Variants in SLC39A11 observed in about 807,000 individuals in gnomAD.
SLC39A11 encodes the protein zinc transporter ZIP11.
In SLC39A11, 33 loss-of-function variants were observed where a neutral mutation model predicts 36.1. The observed-to-expected ratio is 0.91, with a 90% confidence interval of 0.69 to 1.22. The LOEUF is 1.22. Ranked by LOEUF, SLC39A11 falls within the 50% of genes most tolerant of loss-of-function variation. SLC39A11 has a pLI of 0.00. For missense variants in SLC39A11, 432 were observed against 430.3 expected (o/e 1.00, Z -0.03); for synonymous variants, 166 against 170.3 (o/e 0.97, Z 0.20).
chr17:73,012,530 T>G (rs1461920051), intron 4 of SLC39A11, among the ~76,000 whole-genome samples: 2 of 118,170 alleles, frequency 1.7e-5, no homozygotes, highest in Non-Finnish European at 3.1e-5. Flanking sequence ...TATTTCCCAG[T>G]TTTTTTTTTT....
intron 6 of SLC39A11, among the ~76,000 whole-genome samples, chr17:72,816,467 T>G (rs2077589090): frequency 6.6e-6 from 1 of 151,040 alleles, no homozygotes; most frequent in African/African-American, 2.4e-5. Context: ...ATTTAAAAGC[T>G]GTGGCACAAC....
chr17:72,853,135 C>A (rs2079449195), intron 5 of SLC39A11, among the ~76,000 whole-genome samples: 1 of 152,098 alleles, frequency 6.6e-6, no homozygotes, highest in African/African-American at 2.4e-5. Flanking sequence ...CCACCTCGGC[C>A]TCCCAAGTAG....
At chr17:73,021,278 C>T (rs979872997) in intron 4 of SLC39A11, among the ~76,000 whole-genome samples, 4 of 152,118 alleles carry the variant, frequency 2.6e-5, no homozygotes, top group Non-Finnish European at 4.4e-5. Flanking sequence ...TCCCAGTCAC[C>T]TTTGCCAAGA....
chr17:72,932,196 C>A (rs907588522), intron 5 of SLC39A11, among the ~76,000 whole-genome samples: 7 of 151,930 alleles, frequency 4.6e-5, no homozygotes, highest in Admixed American at 2.0e-4. Context: ...CCCAAAACTC[C>A]AACGTCTAGC....
intron 6 of SLC39A11, among the ~76,000 whole-genome samples, chr17:72,757,680 T>C (rs2075409921): frequency 6.6e-6 from 1 of 152,010 alleles, no homozygotes; most frequent in African/African-American, 2.4e-5. Flanking sequence ...CCTACTTTTC[T>C]TCCCCTGGTC....
At chr17:73,055,357 A>G (rs1238813592) in intron 3 of SLC39A11, among the ~76,000 whole-genome samples, 1 of 152,126 alleles carries the variant, frequency 6.6e-6, no homozygotes, top group Non-Finnish European at 1.5e-5. Flanking sequence ...ATGTCTGCAC[A>G]ATTGAGTCTC....
At chr17:73,059,616 T>C (rs939085820) in intron 3 of SLC39A11, among the ~76,000 whole-genome samples, 11 of 147,704 alleles carry the variant, frequency 7.4e-5, no homozygotes, top group Non-Finnish European at 1.3e-4. Context: ...GATCGCGCCA[T>C]TGCACTCCAG....
intron 7 of SLC39A11, among the ~76,000 whole-genome samples, chr17:72,716,084 C>T (rs942243021): frequency 1.3e-5 from 2 of 152,016 alleles, no homozygotes; most frequent in African/African-American, 4.8e-5. Context: ...TCGTTCTCCT[C>T]GCACCCTCCC....
chr17:72,730,065 G>A (rs1008337359), intron 7 of SLC39A11, among the ~76,000 whole-genome samples: 9 of 152,118 alleles, frequency 5.9e-5, no homozygotes, highest in African/African-American at 1.9e-4. Flanking sequence ...GAACCCTCAC[G>A]TGGCTTGAAA....
chr17:72,738,105 C>T lies in SLC39A11; in HGVS notation c.602-1386G>A, dbSNP rs541685006. On this transcript the variant is annotated intron_variant, in intron 6 of 9. Coordinates refer to ENST00000255559, the MANE Select transcript of SLC39A11 (RefSeq NM_139177.4). The stretch of plus-strand genomic sequence containing the variant: ...CTGCAAGCTCCGCCTCCCGGGTTCA[C>T]GCCATTCTCTTGCCTCAGCCTCCCG... 1.2e-3 allele frequency among the ~76,000 whole-genome samples: 187 copies of T among 152,248 alleles called. 1 individual carries two copies. Among genetic ancestry groups the T allele is most frequent in the Admixed American group, 2.1e-3 (32 of 15,288 alleles).
intron 7 of SLC39A11, among the ~76,000 whole-genome samples, chr17:72,732,025 T>TTTTTCTTTTC (rs1299860733): frequency 5.5e-4 from 52 of 93,912 alleles, no homozygotes; most frequent in African/African-American, 1.6e-3. Context: ...TTTCTTTATT[T>TTTTTCTTTTC]TTTTCTTTTC....
In SLC39A11 at chr17:72,648,900, C is replaced by G; in HGVS notation, c.832G>C (p.Val278Leu). The change falls in exon 9 of 10, where the codon GTG (valine) becomes CTG (leucine). Residue 278 changes from valine to leucine, a missense_variant. By Grantham distance (32) the Val-to-Leu change is conservative. Coordinates refer to ENST00000255559, the MANE Select transcript of SLC39A11 (RefSeq NM_139177.4). Reference sequence around the variant, plus strand: ...TAGGGCAGGATGGGCTCAGCCAGCACCACGGCAAAGGCACCAAAGACCCCG... The same window carrying G: ...TAGGGCAGGATGGGCTCAGCCAGCAGCACGGCAAAGGCACCAAAGACCCCG... ...LAGVFGAFAV[V>L]LAEPILPYAL... is the part of the protein sequence containing the mutation. 1 of 1,614,124 alleles carries G rather than the reference C, an allele frequency of 6.2e-7. No individual in the cohort carries two copies. The highest frequency in any genetic ancestry group is 8.5e-7 in the Non-Finnish European group (1 of 1,180,012).
chr17:72,753,413 T>C (rs891682), intron 6 of SLC39A11, among the ~76,000 whole-genome samples: 87,184 of 152,042 alleles, frequency 0.57, 25,521 homozygotes, highest in African/African-American at 0.61. Flanking sequence ...CCATTTAACT[T>C]TCTAAAAGAA....
intron 6 of SLC39A11, among the ~76,000 whole-genome samples, chr17:72,830,521 G>C (rs2078234665): frequency 6.6e-6 from 1 of 152,130 alleles, no homozygotes; most frequent in Admixed American, 6.5e-5. Flanking sequence ...CTTCTGTCCA[G>C]CAACCTGAAC....
chr17:72,942,524 T>G (rs539691755), intron 5 of SLC39A11, among the ~76,000 whole-genome samples: 17 of 152,276 alleles, frequency 1.1e-4, no homozygotes, highest in African/African-American at 3.4e-4. Context: ...GAATTTCTCC[T>G]AGGAGTTACA....
intron 7 of SLC39A11, among the ~76,000 whole-genome samples, chr17:72,710,738 G>A (rs887486128): frequency 1.3e-5 from 2 of 152,182 alleles, no homozygotes; most frequent in East Asian, 1.9e-4. Context: ...AAGAAGCCAC[G>A]TAGTGTCTTC....
chr17:72,805,537 C>T (rs2077222050), intron 6 of SLC39A11, among the ~76,000 whole-genome samples: 1 of 152,182 alleles, frequency 6.6e-6, no homozygotes, highest in African/African-American at 2.4e-5. Context: ...GATTTATACT[C>T]AGGAGTGCGG....
intron 7 of SLC39A11, among the ~76,000 whole-genome samples, chr17:72,734,417 C>T (rs2074341850): frequency 6.6e-6 from 1 of 152,076 alleles, no homozygotes; most frequent in Non-Finnish European, 1.5e-5. Flanking sequence ...TCATTCCTGC[C>T]CCTCAGGCTG....
chr17:73,010,022 C>T (rs1414478041), intron 4 of SLC39A11, among the ~76,000 whole-genome samples: 1 of 152,020 alleles, frequency 6.6e-6, no homozygotes, highest in East Asian at 1.9e-4. Context: ...TCCAAGGTTT[C>T]GGTACTCTTC....
Sources: gnomAD v4.1 joint callset for allele counts (sites outside exome capture counted in the v4.1 genomes callset) on GRCh38, gnomAD v4.1.1 for gene constraint, MANE v1.5 for transcripts, NCBI Gene and HGNC (gene_info 2026-07-23, HGNC 2026-07-21) for gene names.